CTNND2: variants seen among roughly 807,000 people sequenced by gnomAD.
CTNND2 encodes the protein catenin delta 2, also known as catenin delta-2.
Under a neutral mutation model 144.4 loss-of-function variants are expected in CTNND2, and 22 were observed. The ratio of observed to expected loss-of-function variants is 0.15; its 90% confidence interval spans 0.11 to 0.22. CTNND2 has a LOEUF of 0.22. Among genes scored for constraint, CTNND2 ranks in the 10% least tolerant of loss-of-function variants. CTNND2 has a pLI of 1.00. For synonymous variants in CTNND2, 751 were observed against 695.6 expected (o/e 1.08, Z -1.25); for missense variants, 1,353 against 1,618.8 (o/e 0.84, Z 2.82).
chr5:11,341,077 T>C (rs151107367), intron 9 of CTNND2, among the ~76,000 whole-genome samples: 24 of 152,208 alleles, frequency 1.6e-4, no homozygotes, highest in African/African-American at 5.8e-4. Flanking sequence ...GAAGCATAAT[T>C]TGGAGGGACA....
chr5:11,828,137 A>G (rs1284671805), intron 1 of CTNND2, among the ~76,000 whole-genome samples: 1 of 152,146 alleles, frequency 6.6e-6, no homozygotes, highest in African/African-American at 2.4e-5. Flanking sequence ...ATGTTGTGGG[A>G]GGAACCCAGT....
intron 1 of CTNND2, among the ~76,000 whole-genome samples, chr5:11,890,535 T>C (rs1162651895): frequency 6.6e-6 from 1 of 152,222 alleles, no homozygotes; most frequent in African/African-American, 2.4e-5. Context: ...CTATCTATGA[T>C]ATGACTTGAT....
rs533504615 is a variant in CTNND2, at chr5:11,670,616, C to CTCCATCCCTTTATTTTGAACCT, written c.174+61498_174+61519dup. 3.5e-4 allele frequency among the ~76,000 whole-genome samples: 54 copies of CTCCATCCCTTTATTTTGAACCT among 152,170 alleles called. 1 individual carries two copies. The East Asian group carries it at 0.01, about 29-fold the overall frequency. On this transcript the variant is annotated intron_variant, in intron 2 of 21. Coordinates refer to ENST00000304623, the MANE Select transcript of CTNND2 (RefSeq NM_001332.4). ...CTTTCCATTTGTTTAGTAAATCTTCCTCCATCCCTTTATTTTGAACCTTCC... is the reference window on the plus strand; with the variant it reads ...CTTTCCATTTGTTTAGTAAATCTTCCTCCATCCCTTTATTTTGAACCTTCCATCCCTTTATTTTGAACCTTCC...
intron 2 of CTNND2, among the ~76,000 whole-genome samples, chr5:11,646,712 A>G (rs1040597965): frequency 2.0e-5 from 3 of 152,226 alleles, no homozygotes; most frequent in Admixed American, 2.0e-4. Flanking sequence ...CTGCTAAGGC[A>G]GAAGCTTTTC....
At chr5:11,692,808 G>A (rs903640966) in intron 2 of CTNND2, among the ~76,000 whole-genome samples, 17 of 152,166 alleles carry the variant, frequency 1.1e-4, no homozygotes, top group African/African-American at 4.1e-4. Flanking sequence ...CGCCATGTTG[G>A]CCAGACTGGT....
chr5:11,445,079 T>C (rs1005012025), intron 3 of CTNND2, among the ~76,000 whole-genome samples: 8 of 152,134 alleles, frequency 5.3e-5, no homozygotes, highest in Admixed American at 1.3e-4. Flanking sequence ...TTCTCGGCAT[T>C]CTGGAGGCTT....
intron 2 of CTNND2, among the ~76,000 whole-genome samples, chr5:11,648,995 AT>A (rs1275244925): frequency 6.6e-6 from 1 of 152,222 alleles, no homozygotes; most frequent in African/African-American, 2.4e-5. Flanking sequence ...ATTAATTCCC[AT>A]CCCTTTCAGA....
At chr5:11,004,199 G>A (rs769091133) in intron 18 of CTNND2, among the ~76,000 whole-genome samples, 3 of 152,172 alleles carry the variant, frequency 2.0e-5, no homozygotes, top group African/African-American at 4.8e-5. Context: ...TTACCTCCCT[G>A]GCTTTGCTTT....
chr5:11,047,465 G>A lies in CTNND2; in HGVS notation c.2789-24486C>T, dbSNP rs1401789398. Among the ~76,000 whole-genome samples, 3 of 152,272 alleles carry A rather than the reference G, an allele frequency of 2.0e-5. 1 individual carries two copies. The highest frequency in any genetic ancestry group is 4.2e-4 in the South Asian group (2 of 4,818). On this transcript the variant is annotated intron_variant, in intron 16 of 21. Coordinates refer to ENST00000304623, the MANE Select transcript of CTNND2 (RefSeq NM_001332.4). ...GGGGTGTGCTGGCTAGGGAAGGGACGGAGAGAGGGACAGGATATGTGTATA... is the reference window on the plus strand; with the variant it reads ...GGGGTGTGCTGGCTAGGGAAGGGACAGAGAGAGGGACAGGATATGTGTATA...
At chr5:11,242,519 G>T (rs1184159760) in intron 9 of CTNND2, among the ~76,000 whole-genome samples, 3 of 152,180 alleles carry the variant, frequency 2.0e-5, no homozygotes, top group Non-Finnish European at 4.4e-5. Context: ...AAAGCCTGAA[G>T]ACAGTTTTGG....
intron 8 of CTNND2, among the ~76,000 whole-genome samples, chr5:11,354,735 G>A (rs753075977): frequency 2.6e-5 from 4 of 152,096 alleles, no homozygotes; most frequent in Non-Finnish European, 5.9e-5. Context: ...CTTAAACTAC[G>A]CTCCAGACCA....
At chr5:11,663,601 T>C (rs1375829402) in intron 2 of CTNND2, among the ~76,000 whole-genome samples, 1 of 152,034 alleles carries the variant, frequency 6.6e-6, no homozygotes, top group African/African-American at 2.4e-5. Context: ...TTAATTACCA[T>C]CCCCAAATAC....
intron 1 of CTNND2, among the ~76,000 whole-genome samples, chr5:11,776,478 C>T (rs1383027468): frequency 2.6e-5 from 4 of 152,170 alleles, no homozygotes; most frequent in African/African-American, 4.8e-5. Context: ...ATGCAGTCTA[C>T]AAGACCGTAA....
At chr5:11,376,393 A>G (rs1315283483) in intron 7 of CTNND2, among the ~76,000 whole-genome samples, 1 of 147,868 alleles carries the variant, frequency 6.8e-6, no homozygotes, top group Non-Finnish European at 1.5e-5. Context: ...CCCTTTCTAC[A>G]TCAATTTTCT....
intron 1 of CTNND2, among the ~76,000 whole-genome samples, chr5:11,734,801 T>C (rs1787588226): frequency 6.6e-6 from 1 of 152,192 alleles, no homozygotes; most frequent in South Asian, 2.1e-4. Flanking sequence ...AAAGGCCCCA[T>C]TACAGAATTT....
At chr5:11,276,668 A>G (rs1746565694) in intron 9 of CTNND2, among the ~76,000 whole-genome samples, 1 of 152,232 alleles carries the variant, frequency 6.6e-6, no homozygotes, top group Admixed American at 6.5e-5. Flanking sequence ...ATTTGAAAGC[A>G]GTGCGTTTGC....
At chr5:11,887,654 TA>T (rs2127089542) in intron 1 of CTNND2, among the ~76,000 whole-genome samples, 1 of 152,370 alleles carries the variant, frequency 6.6e-6, no homozygotes, top group South Asian at 2.1e-4. Flanking sequence ...ACATTATTAT[TA>T]ACTAAAGTTC....
chr5:11,462,814 C>A (rs1766335206), intron 3 of CTNND2, among the ~76,000 whole-genome samples: 2 of 151,894 alleles, frequency 1.3e-5, no homozygotes. Context: ...TGTTTCTTAA[C>A]ACTTGTCTGC....
intron 11 of CTNND2, among the ~76,000 whole-genome samples, chr5:11,165,168 A>C (rs902507234): frequency 6.6e-6 from 1 of 152,168 alleles, no homozygotes; most frequent in African/African-American, 2.4e-5. Context: ...AGAATAGAAA[A>C]ATGTTATTTA....
Sources: gnomAD v4.1 joint callset for allele counts (sites outside exome capture counted in the v4.1 genomes callset) on GRCh38, gnomAD v4.1.1 for gene constraint, MANE v1.5 for transcripts, NCBI Gene and HGNC (gene_info 2026-07-23, HGNC 2026-07-21) for gene names.